INSR: variants seen among roughly 807,000 people sequenced by gnomAD.
INSR encodes insulin receptor, also known as IR.
Under a neutral mutation model 142.6 loss-of-function variants are expected in INSR, and 67 were observed. That is an observed-to-expected ratio of 0.47 (90% CI 0.39 to 0.58). The LOEUF is 0.58. Among genes scored for constraint, INSR ranks in the 20% least tolerant of loss-of-function variants. The probability of loss-of-function intolerance (pLI) is 0.00; values close to 1 mark genes in which losing one functional copy is unlikely to be tolerated. For missense variants in INSR, 1,248 were observed against 1,833.2 expected, an observed-to-expected ratio of 0.68 and a Z score of 5.83; for synonymous variants, 756 against 743.1, an observed-to-expected ratio of 1.02 and a Z score of -0.28.
intron 2 of INSR, among the ~76,000 whole-genome samples, chr19:7,208,361 A>G (rs1975175505): frequency 6.6e-6 from 1 of 152,048 alleles, no homozygotes; most frequent in South Asian, 2.1e-4. Flanking sequence ...CTGGCCGTGT[A>G]TTATTCACAA....
rs1975755628 is a variant in INSR at position 7,225,689 on chromosome 19, G to A, written c.653-41052C>T. On this transcript the variant is annotated intron_variant, in intron 2 of 21. Coordinates refer to ENST00000302850, the MANE Select transcript of INSR (RefSeq NM_000208.4). This position sits in a 1 kb window ranked among gnomAD's most constrained non-coding sequence, Gnocchi z 4.7. Reference sequence around the variant, plus strand: ...GCCACGAGGCTGATGATGGGCTCTTGGTTTCCATTTCCCCCCCCTCAAAAA... The same window carrying A: ...GCCACGAGGCTGATGATGGGCTCTTAGTTTCCATTTCCCCCCCCTCAAAAA... 8.8e-6 allele frequency among the ~76,000 whole-genome samples: 1 copy of A among 113,382 alleles called. No homozygotes were observed. Among genetic ancestry groups the A allele is most frequent in the Non-Finnish European group, 1.7e-5 (1 of 57,254 alleles). 74.4% of individuals were successfully genotyped at this position (113,382 alleles called of 152,430 possible).
rs1031195329 is a variant in INSR at position 7,115,458 on chromosome 19, G to A, written c.*1598C>T. ...CAGGCACCACACCTGGCCCAGATGA[G>A]GTCACCGGGCTCAGAGCAGCTTCCG... On this transcript the variant is annotated 3_prime_UTR_variant, in exon 22 of 22. Transcript: ENST00000302850. 1 of 152,220 alleles carries A rather than the reference G, an allele frequency of 6.6e-6. No individual in the cohort carries two copies. Among genetic ancestry groups the A allele is most frequent in the Non-Finnish European group, 1.5e-5 (1 of 68,078 alleles). The allele number at this position is 152,220 out of a possible 1,614,324, so 9.4% of individuals were successfully genotyped here. A position where few individuals can be genotyped will look rare whatever the true frequency, so the allele number is the denominator to read the frequency against.
At chr19:7,175,243 G>T (rs1041760941) in intron 3 of INSR, among the ~76,000 whole-genome samples, 1 of 152,106 alleles carries the variant, frequency 6.6e-6, no homozygotes, top group African/African-American at 2.4e-5. Flanking sequence ...GCCGGGCGTG[G>T]TGGCTCCTGC....
intron 13 of INSR, among the ~76,000 whole-genome samples, chr19:7,140,332 T>C (rs1568439946): frequency 6.6e-6 from 1 of 152,216 alleles, no homozygotes; most frequent in Non-Finnish European, 1.5e-5. Flanking sequence ...CCACCACGTG[T>C]TTTTGTAAAT....
chr19:7,190,212 C>T (rs1020417411), intron 2 of INSR, among the ~76,000 whole-genome samples: 1 of 151,868 alleles, frequency 6.6e-6, no homozygotes. Context: ...AAAAAATCAT[C>T]CCCAAAGATT....
intron 1 of INSR, among the ~76,000 whole-genome samples, chr19:7,271,742 G>C (rs888958532): frequency 3.2e-4 from 48 of 152,182 alleles, no homozygotes; most frequent in African/African-American, 1.1e-3. Flanking sequence ...GAGTGCAGTG[G>C]CTCACGCCTG....
chr19:7,293,041 T>A (rs1968538764), intron 1 of INSR, among the ~76,000 whole-genome samples: 1 of 152,064 alleles, frequency 6.6e-6, no homozygotes, highest in African/African-American at 2.4e-5. Context: ...TACTCCTCTG[T>A]GAAATGGGTG....
chr19:7,153,794 T>C lies in INSR; in HGVS notation c.2030-867A>G, dbSNP rs542786490. Among the ~76,000 whole-genome samples, 9 of 152,208 alleles carry C rather than the reference T, an allele frequency of 5.9e-5. No individual in the cohort carries two copies. The South Asian group carries it at 1.9e-3, about 32-fold the overall frequency. ...ACTTTCGGAGGCCGAGGTGTGAGGA[T>C]CACGTGAGCCCAGGAGTTCAAGACC... On this transcript the variant is annotated intron_variant, in intron 9 of 21. Coordinates refer to ENST00000302850, the MANE Select transcript of INSR (RefSeq NM_000208.4).
At chr19:7,153,039 C>CAT (rs1568449099) in intron 9 of INSR, 112 bp from the exon 10 acceptor site, 79 of 368,414 alleles carry the variant, frequency 2.1e-4, no homozygotes, top group Admixed American at 1.2e-3. Flanking sequence ...CACACACACA[C>CAT]ACCACACACC....
chr19:7,127,114 T>A lies in INSR; in HGVS notation c.2946-463A>T, dbSNP rs999144606. Among the ~76,000 whole-genome samples the A allele has an allele frequency of 3.3e-5, 5 of 152,086 alleles. 1 individual carries two copies. Among genetic ancestry groups the A allele is most frequent in the Admixed American group, 3.3e-4 (5 of 15,254 alleles). On this transcript the variant is annotated intron_variant, in intron 15 of 21. Transcript: ENST00000302850. The stretch of plus-strand genomic sequence containing the variant: ...GGTCTCACTATGTTGCCCAGGCTGG[T>A]CTTGAACTCTTGGTCTCAAGTGATC...
rs549193686 is a variant in INSR, at chr19:7,176,442, A to C, written c.975-1711T>G. 9.8e-5 allele frequency among the ~76,000 whole-genome samples: 15 copies of C among 152,322 alleles called. 1 individual carries two copies. The South Asian group carries it at 3.1e-3, about 32-fold the overall frequency. Reference sequence around the variant, plus strand: ...ATGGTGAAACCCCGTCTCTACTAAAAATACAAAAATTAACCAGGTGTGGTG... The same window carrying C: ...ATGGTGAAACCCCGTCTCTACTAAACATACAAAAATTAACCAGGTGTGGTG... On this transcript the variant is annotated intron_variant, in intron 3 of 21. Coordinates refer to ENST00000302850, the MANE Select transcript of INSR (RefSeq NM_000208.4).
At chr19:7,202,555 A>G (rs568831462) in intron 2 of INSR, among the ~76,000 whole-genome samples, 199 of 152,136 alleles carry the variant, frequency 1.3e-3, no homozygotes, top group Non-Finnish European at 1.7e-3. Context: ...AGAAGAGTCC[A>G]ATGGCACCAT....
At chr19:7,162,103 G>A (rs947884211) in intron 9 of INSR, among the ~76,000 whole-genome samples, 1 of 151,856 alleles carries the variant, frequency 6.6e-6, no homozygotes, top group Non-Finnish European at 1.5e-5. Context: ...GAGGCGGGTG[G>A]ATCATTTGAG....
At chr19:7,153,115 A>C (rs1973444236) in intron 9 of INSR, among the ~76,000 whole-genome samples, 188 bp from the exon 10 acceptor site, 2 of 124,752 alleles carry the variant, frequency 1.6e-5, no homozygotes, top group Admixed American at 8.4e-5. Flanking sequence ...CAAACACACA[A>C]CCACACACAC....
rs539027975 is a variant in INSR at position 7,276,425 on chromosome 19, G to C, written c.101-8529C>G. ...CCCAGTGTGCTGGGAGTATGGGTGT[G>C]AGCCATCAAGCCCGGCCAGTAACAG... On this transcript the variant is annotated intron_variant, in intron 1 of 21. Transcript: ENST00000302850. Among the ~76,000 whole-genome samples the C allele has an allele frequency of 5.0e-3, 755 of 150,236 alleles. 5 individuals carry two copies. Among genetic ancestry groups the C allele is most frequent in the African/African-American group, 5.7e-3 (232 of 40,908 alleles).
chr19:7,264,169 CAAAA>C (rs367805026), intron 2 of INSR, among the ~76,000 whole-genome samples: 2 of 117,548 alleles, frequency 1.7e-5, no homozygotes, highest in African/African-American at 5.9e-5. Flanking sequence ...AACTCCATCT[CAAAA>C]AAAAAAAAAA....
chr19:7,253,232 GTTTA>G (rs141754421), intron 2 of INSR, among the ~76,000 whole-genome samples: 15 of 149,748 alleles, frequency 1.0e-4, no homozygotes, highest in African/African-American at 3.4e-4. Context: ...TTATTTATTT[GTTTA>G]TTTATTTATT....
intron 9 of INSR, among the ~76,000 whole-genome samples, chr19:7,153,959 G>C (rs544694381): frequency 2.0e-5 from 3 of 152,018 alleles, no homozygotes; most frequent in Admixed American, 2.0e-4. Context: ...TCAGGAGTTC[G>C]AGACCAGCCT....
intron 1 of INSR, among the ~76,000 whole-genome samples, chr19:7,276,912 G>A (rs1968076847): frequency 6.6e-6 from 1 of 152,058 alleles, no homozygotes; most frequent in Admixed American, 6.6e-5. Context: ...TGTATTTTTA[G>A]TAGAGACAGG....
Sources: allele counts gnomAD v4.1 joint callset (sites outside exome capture counted in the v4.1 genomes callset), GRCh38; gene constraint gnomAD v4.1.1; non-coding constraint Gnocchi (gnomAD v3.1); transcripts MANE v1.5; gene names NCBI Gene and HGNC (gene_info 2026-07-23, HGNC 2026-07-21).